BANK1: variants seen among roughly 807,000 people sequenced by gnomAD.
BANK1 encodes B cell scaffold protein with ankyrin repeats 1.
A neutral mutation model predicts 94.5 loss-of-function variants in BANK1; 95 were observed. The observed-to-expected ratio is 1.00, with a 90% CI of 0.85 to 1.19. The LOEUF (loss-of-function observed/expected upper bound fraction) is 1.19. BANK1 is among the 50% of genes most tolerant of loss of function. The pLI is 0.00. For missense variants in BANK1, 987 were observed against 932.2 expected (o/e 1.06, Z -0.77); for synonymous variants, 334 against 308.4 (o/e 1.08, Z -0.87).
intron 7 of BANK1, among the ~76,000 whole-genome samples, chr4:101,995,230 A>T (rs1028077131): frequency 6.6e-6 from 1 of 152,154 alleles, no homozygotes; most frequent in African/African-American, 2.4e-5. Flanking sequence ...TTTGCTGAGA[A>T]TGATGGTTTC....
intron 1 of BANK1, among the ~76,000 whole-genome samples, chr4:101,826,595 A>T (rs1273470619): frequency 1.3e-5 from 2 of 152,046 alleles, no homozygotes; most frequent in Non-Finnish European, 2.9e-5. Context: ...TTCCTCAAAC[A>T]TAAAAATACT....
intron 2 of BANK1, among the ~76,000 whole-genome samples, chr4:101,847,198 AGTGTGTGT>A (rs10542109): frequency 0.011 from 1,620 of 147,682 alleles, 8 homozygotes; most frequent in South Asian, 0.028. Flanking sequence ...GGGTTGGCAG[AGTGTGTGT>A]GTGTGTGTGT....
rs533664575 is a variant in BANK1, at chr4:102,074,024, C to T, written c.*25C>T. 8.7e-4 allele frequency: 196 copies of T among 225,912 alleles called. No homozygotes were observed. Among genetic ancestry groups the T allele is most frequent in the African/African-American group, 4.0e-3 (175 of 43,990 alleles). 14.0% of individuals were successfully genotyped at this position (225,912 alleles called of 1,614,324 possible). A position where few individuals can be genotyped will look rare whatever the true frequency, so the allele number is the denominator to read the frequency against. ...TTCCAGGTTATTATAATGAAACTCA[C>T]GAATCTACGGACATTTTGCTTTCAG... On this transcript the variant is annotated 3_prime_UTR_variant, in exon 17 of 17. Transcript: ENST00000322953.
At chr4:101,873,754 T>C (rs1014783138) in intron 5 of BANK1, among the ~76,000 whole-genome samples, 9 of 152,116 alleles carry the variant, frequency 5.9e-5, no homozygotes, top group African/African-American at 2.2e-4. Flanking sequence ...AAACAGTGAA[T>C]ATAAGAGAGA....
At chr4:102,012,056 T>A (rs557887844) in intron 7 of BANK1, among the ~76,000 whole-genome samples, 1 of 152,330 alleles carries the variant, frequency 6.6e-6, no homozygotes, top group East Asian at 1.9e-4. Context: ...TTTCTTTATT[T>A]TTTTAAATGA....
At position 101,862,555 on chromosome 4, in the gene BANK1, A is replaced by T. The variant is rs748375723; in HGVS notation, c.654A>T (p.Arg218Ser). Residue 218 changes from arginine to serine, a missense_variant, in exon 4 of 17, where the codon AGA (arginine) becomes AGT (serine). Arg to Ser is a moderately radical substitution (Grantham distance 110, BLOSUM62 -1). Transcript: ENST00000322953. ...CTGGTGAAATATTCATAATTTTGAG[A>T]GATGAAGTAATTGGTGATACTGTAG... ...ENPGEIFIIL[R>S]DEVIGDTVEV... is the part of the protein sequence containing the mutation. 6.2e-7 allele frequency: 1 copy of T among 1,608,106 alleles called. No individual in the cohort carries two copies. The highest frequency in any genetic ancestry group is 8.5e-7 in the Non-Finnish European group (1 of 1,177,416).
chr4:101,864,631 G>T (rs1728001196), intron 4 of BANK1, among the ~76,000 whole-genome samples: 1 of 152,126 alleles, frequency 6.6e-6, no homozygotes, highest in Non-Finnish European at 1.5e-5. Context: ...TAATAAAAGA[G>T]AGATTAACAA....
chr4:101,805,207 G>C (rs1374653531), intron 1 of BANK1, among the ~76,000 whole-genome samples: 1 of 152,096 alleles, frequency 6.6e-6, no homozygotes, highest in Admixed American at 6.5e-5. Context: ...CATATGGGCT[G>C]TTAAGAGTCA....
Position 101,958,393 on chromosome 4 carries a change from A to G in BANK1, c.1206+40204A>G, listed in dbSNP as rs540067643. ...AAAAACAAGTCTGAGATTAAAACCC[A>G]TGCCCTTTTTACTGTCATGCTACAA... On this transcript the variant is annotated intron_variant, in intron 7 of 16. Coordinates refer to ENST00000322953, the MANE Select transcript of BANK1 (RefSeq NM_017935.5). Among the ~76,000 whole-genome samples the G allele has an allele frequency of 3.4e-5, 5 of 149,178 alleles. No homozygotes were observed. In the South Asian group the frequency reaches 1.1e-3, roughly 32 times the overall value.
At chr4:101,936,547 CG>C (rs1723566404) in intron 7 of BANK1, among the ~76,000 whole-genome samples, 1 of 149,670 alleles carries the variant, frequency 6.7e-6, no homozygotes, top group Non-Finnish European at 1.5e-5. Context: ...TACACATACA[CG>C]TATACATATA....
At chr4:101,935,848 G>A (rs1207104503) in intron 7 of BANK1, among the ~76,000 whole-genome samples, 2 of 151,468 alleles carry the variant, frequency 1.3e-5, no homozygotes, top group Non-Finnish European at 1.5e-5. Context: ...TCCTGGGAAA[G>A]CTGGATATTC....
chr4:101,872,848 C>T (rs1033116481), intron 5 of BANK1, among the ~76,000 whole-genome samples: 5 of 151,932 alleles, frequency 3.3e-5, no homozygotes, highest in African/African-American at 1.2e-4. Context: ...ATTAGCCGAG[C>T]ATGGTGATGT....
At chr4:102,058,238 C>G (rs1728293687) in intron 11 of BANK1, among the ~76,000 whole-genome samples, 1 of 151,960 alleles carries the variant, frequency 6.6e-6, no homozygotes, top group Non-Finnish European at 1.5e-5. Context: ...GATTTATATA[C>G]TCACTACAAT....
Position 102,071,302 on chromosome 4 carries a change from G to T in BANK1, c.2240G>T (p.Gly747Val). 6.2e-7 allele frequency: 1 copy of T among 1,613,740 alleles called. No homozygotes were observed. Among genetic ancestry groups the T allele is most frequent in the Non-Finnish European group, 8.5e-7 (1 of 1,179,716 alleles). Residue 747 changes from glycine to valine, a missense_variant and splice_region_variant, in exon 14 of 17, where the codon GGT (glycine) becomes GTT (valine). Gly to Val is a moderately radical substitution (Grantham distance 109, BLOSUM62 -3). Transcript: ENST00000322953. Reference sequence around the variant, plus strand: ...AAACTCACCATTGTGCACCATCCAGGTGGTAAGTGCTTGGTATTTATTGAA... The same window carrying T: ...AAACTCACCATTGTGCACCATCCAGTTGGTAAGTGCTTGGTATTTATTGAA... Reference protein sequence around the residue: ...YNKLTIVHHPGGKETAHNENK... With the variant: ...YNKLTIVHHPVGKETAHNENK...
chr4:102,054,346 C>T (rs997497885), intron 11 of BANK1, among the ~76,000 whole-genome samples: 10 of 152,032 alleles, frequency 6.6e-5, no homozygotes, highest in African/African-American at 1.7e-4. Flanking sequence ...GCCTGAAACA[C>T]GACAAAGCAC....
chr4:101,997,532 T>C (rs1031444350), intron 7 of BANK1, among the ~76,000 whole-genome samples: 1 of 151,992 alleles, frequency 6.6e-6, no homozygotes, highest in Admixed American at 6.6e-5. Context: ...AGAATTTAGC[T>C]GTGAATCCAT....
chr4:102,029,360 A>C (rs1394769312), intron 9 of BANK1, among the ~76,000 whole-genome samples: 1 of 151,990 alleles, frequency 6.6e-6, no homozygotes, highest in African/African-American at 2.4e-5. Context: ...TGAAATATCC[A>C]GTGCAAGCAA....
chr4:101,934,274 AACTT>A (rs1430299083), intron 7 of BANK1, among the ~76,000 whole-genome samples: 2 of 151,388 alleles, frequency 1.3e-5, no homozygotes, highest in African/African-American at 4.8e-5. Context: ...GCAGTCCTAC[AACTT>A]ACTTGTTTGA....
At chr4:101,902,364 T>A (rs1297986582) in intron 6 of BANK1, among the ~76,000 whole-genome samples, 1 of 152,252 alleles carries the variant, frequency 6.6e-6, no homozygotes, top group South Asian at 2.1e-4. Context: ...ATACTGTTTT[T>A]CTAAAAATGC....
Sources: allele counts gnomAD v4.1 joint callset (sites outside exome capture counted in the v4.1 genomes callset), GRCh38; gene constraint gnomAD v4.1.1; transcripts MANE v1.5; gene names NCBI Gene and HGNC (gene_info 2026-07-23, HGNC 2026-07-21).